Variants in TAF1C observed in about 807,000 individuals in gnomAD.
The protein encoded by TAF1C is TATA-box binding protein associated factor, RNA polymerase I subunit C.
A neutral mutation model predicts 70.5 loss-of-function variants in TAF1C; 79 were observed. That is an observed-to-expected ratio of 1.12 (90% CI 0.93 to 1.35). The LOEUF is 1.35. Ranked by LOEUF, TAF1C falls within the 40% of genes most tolerant of loss-of-function variation. The pLI, the probability that TAF1C is intolerant of heterozygous loss-of-function variation, is 0.00. For synonymous variants in TAF1C, 614 were observed against 491.1 expected, an observed-to-expected ratio of 1.25 and a Z score of -3.31; for missense variants, 1,412 against 1,127.8, an observed-to-expected ratio of 1.25 and a Z score of -3.61.
chr16:84,181,073 G>A lies in TAF1C; in HGVS notation c.1278C>T (p.Leu426=). 1 of 1,612,114 alleles carries A rather than the reference G, an allele frequency of 6.2e-7. No homozygotes were observed. Among genetic ancestry groups the A allele is most frequent in the Non-Finnish European group, 8.5e-7 (1 of 1,178,490 alleles). The part of the protein sequence containing the change: ...QYLGHSSPKC[L]PPTLHLVCTQ... Reference sequence around the variant, plus strand: ...TACAGACGAGATGAAGAGTAGGGGGGAGGCATTTGGGGCTGGAGTGCCCCA... The same window carrying A: ...TACAGACGAGATGAAGAGTAGGGGGAAGGCATTTGGGGCTGGAGTGCCCCA... Residue 426 remains leucine, a synonymous_variant, in exon 12 of 15, where the codon CTC becomes CTT. Coordinates refer to ENST00000566732, the MANE Select transcript of TAF1C (RefSeq NM_001243156.2).
At chr16:84,180,980 A>T (rs1046605896) in intron 12 of TAF1C, 63 bp downstream of exon 12, 1 of 1,530,736 alleles carries the variant, frequency 6.5e-7, no homozygotes, top group Non-Finnish European at 8.8e-7. Flanking sequence ...GGTAAGCAGC[A>T]GCCTCTAGTG....
chr16:84,179,143 C>T lies in TAF1C; in HGVS notation c.2330G>A (p.Cys777Tyr). 6.2e-7 allele frequency: 1 copy of T among 1,607,540 alleles called. No homozygotes were observed. Among genetic ancestry groups the T allele is most frequent in the Non-Finnish European group, 8.5e-7 (1 of 1,179,278 alleles). ...CTGCTCTGATGGGACGCCCTGGGCG[C>T]ATGCATCCGGAGTCAACTCCTGGGA... Reference protein sequence around the residue: ...PPSQELTPDACAQGVPSEQRQ... With the variant: ...PPSQELTPDAYAQGVPSEQRQ... Residue 777 changes from cysteine (C) to tyrosine (Y), a missense_variant, in exon 15 of 15, where the codon TGC (cysteine) becomes TAC (tyrosine). Coordinates refer to ENST00000566732, the MANE Select transcript of TAF1C (RefSeq NM_001243156.2).
Position 84,179,600 on chromosome 16 carries a change from G to C in TAF1C, c.1873C>G (p.Pro625Ala), listed in dbSNP as rs756760071. Residue 625 changes from proline to alanine, a missense_variant, in exon 15 of 15, where the codon CCT (proline) becomes GCT (alanine). Transcript: ENST00000566732. ...GTGAAGGTGGGTGCTGTCCACACAG[G>C]AGGAGCCAGGGGCACTTTTAGCAGG... ...KALLKVPLAP[P>A]VWTAPTFTHR... 3 of 1,612,632 alleles carry C rather than the reference G, an allele frequency of 1.9e-6. No individual in the cohort carries two copies. In the African/African-American group the frequency reaches 4.0e-5, roughly 22 times the overall value.
At position 84,182,518 on chromosome 16, in the gene TAF1C, G is replaced by A; in HGVS notation, c.483-78C>T. On this transcript the variant is annotated intron_variant, in intron 6 of 14. Coordinates refer to ENST00000566732, the MANE Select transcript of TAF1C (RefSeq NM_001243156.2). This position sits in a 1 kb window ranked among gnomAD's most constrained non-coding sequence, Gnocchi z 5.0. ...AGGTCCCATCCCAAGGAGGCCAAGT[G>A]CAGTGGACACATTTCTTATTTACCT... 2 of 1,297,130 alleles carry A rather than the reference G, an allele frequency of 1.5e-6. No individual in the cohort carries two copies. The highest frequency in any genetic ancestry group is 1.4e-5 in the South Asian group (1 of 71,744). 80.4% of individuals were successfully genotyped at this position (1,297,130 alleles called of 1,614,324 possible).
Position 84,178,060 on chromosome 16 carries a change from G to T in TAF1C, c.*881C>A. On this transcript the variant is annotated 3_prime_UTR_variant, in exon 15 of 15. Coordinates refer to ENST00000566732, the MANE Select transcript of TAF1C (RefSeq NM_001243156.2). ...CCCGGGTCCCTGCAAAATCTCAAGT[G>T]AGCATTTTCCCCACAGGAAAACAGA... 1.9e-6 allele frequency: 1 copy of T among 536,752 alleles called. No homozygotes were observed. Among genetic ancestry groups the T allele is most frequent in the Non-Finnish European group, 3.4e-6 (1 of 292,504 alleles). The allele number at this position is 536,752 out of a possible 1,614,324, so 33.2% of individuals were successfully genotyped here. A position where few individuals can be genotyped will look rare whatever the true frequency, so the allele number is the denominator to read the frequency against.
chr16:84,180,156 G>C lies in TAF1C; in HGVS notation c.1483+14C>G. On this transcript the variant is annotated intron_variant, in intron 13 of 14. Coordinates refer to ENST00000566732, the MANE Select transcript of TAF1C (RefSeq NM_001243156.2). ...CATCTCCCACACGCCGCCCACCCTG[G>C]CCTGGACCCTCACCTGCCAGGTGCA... 1 of 1,561,672 alleles carries C rather than the reference G, an allele frequency of 6.4e-7. No individual in the cohort carries two copies. The highest frequency in any genetic ancestry group is 8.6e-7 in the Non-Finnish European group (1 of 1,161,168).
Position 84,179,370 on chromosome 16 carries a change from G to A in TAF1C, c.2103C>T (p.Gly701=). The change falls in exon 15 of 15, where the codon GGC becomes GGT. Residue 701 remains glycine, a synonymous_variant. Transcript: ENST00000566732. ...GCCTCTCCCACCAGGCAGCCCCTCG[G>A]CCTGCCCAGGCTTCCCCCAGGCGCT... ...LSERLGEAWA[G]RGAAWWERQQ... is the part of the protein sequence containing the mutation. 1.2e-6 allele frequency: 2 copies of A among 1,600,078 alleles called. No homozygotes were observed. The highest frequency in any genetic ancestry group is 1.3e-5 in the African/African-American group (1 of 75,010).
chr16:84,180,996 C>T (rs772873715), intron 12 of TAF1C, 47 bp downstream of exon 12: 232 of 1,566,438 alleles, frequency 1.5e-4, no homozygotes, highest in Non-Finnish European at 2.0e-4. Context: ...TAGTGACCAT[C>T]TGAGACAGAG....
At chr16:84,180,808 C>T (rs115747592) in intron 12 of TAF1C, 2 of 1,364,198 alleles carry the variant, frequency 1.5e-6, no homozygotes, top group African/African-American at 2.9e-5. Flanking sequence ...CCCTGCTCCA[C>T]CCCTGGCTGC....
In TAF1C at chr16:84,181,150, C is replaced by G. The variant is rs2089160049; in HGVS notation, c.1201G>C (p.Gly401Arg). 1 of 1,611,848 alleles carries G rather than the reference C, an allele frequency of 6.2e-7. No homozygotes were observed. The change falls in exon 12 of 15, where the codon GGG (glycine) becomes CGG (arginine). Residue 401 changes from glycine (G) to arginine (R), a missense_variant. Transcript: ENST00000566732. ...CCTTTCTGGCACGAAGCCTCTGCCCCCAAACGAAAAAGCAACAGACCACAG... is the reference window on the plus strand; with the variant it reads ...CCTTTCTGGCACGAAGCCTCTGCCCGCAAACGAAAAAGCAACAGACCACAG... ...PGCGLLLFRL[G>R]AEASCQKGER...
chr16:84,182,547 A>C lies in TAF1C; in HGVS notation c.483-107T>G, dbSNP rs1423261037. The C allele has an allele frequency of 8.9e-6, 10 of 1,124,254 alleles. No homozygotes were observed. The highest frequency in any genetic ancestry group is 1.1e-5 in the Non-Finnish European group (9 of 807,516). 69.6% of individuals were successfully genotyped at this position (1,124,254 alleles called of 1,614,324 possible). ...TGGACACATTTCTTATTTACCTAGA[A>C]TTTCTTCCTTTGGGAGACCACCCCA... is the stretch of plus-strand genomic sequence containing the variant. On this transcript the variant is annotated intron_variant, in intron 6 of 14. Coordinates refer to ENST00000566732, the MANE Select transcript of TAF1C (RefSeq NM_001243156.2). The surrounding 1 kb of genome is among the most constrained non-coding windows in gnomAD (Gnocchi z 5.0).
chr16:84,180,269 G>A lies in TAF1C; in HGVS notation c.1384C>T (p.Leu462Phe), dbSNP rs1307719141. The A allele has an allele frequency of 2.6e-6, 4 of 1,548,510 alleles. No individual in the cohort carries two copies. Among genetic ancestry groups the A allele is most frequent in the Admixed American group, 4.0e-5 (2 of 49,528 alleles). ...GGAGGCAGCAGTCGGGCCAGCAGGA[G>A]CGGGGAGGGGAGGCCATGGTTCCAC... is the stretch of plus-strand genomic sequence containing the variant. Reference protein sequence around the residue: ...LKWNHGLPSPLLLARLLPPPR... With the variant: ...LKWNHGLPSPFLLARLLPPPR... The change falls in exon 13 of 15, where the codon CTC becomes TTC. Residue 462 changes from leucine to phenylalanine, a missense_variant. Coordinates refer to ENST00000566732, the MANE Select transcript of TAF1C (RefSeq NM_001243156.2).
intron 1 of TAF1C, among the ~76,000 whole-genome samples, chr16:84,186,153 C>T (rs2089475028): frequency 6.6e-6 from 1 of 152,252 alleles, no homozygotes; most frequent in Non-Finnish European, 1.5e-5. Context: ...TCTTAGCTGC[C>T]ACAGCCAAGA....
Position 84,184,940 on chromosome 16 carries a change from G to T in TAF1C, c.49C>A (p.Leu17Ile). ...AGGTCAGGGACGTCGCTCAGACCAA[G>T]GGGGCCGGTCAGAAACAATGCAGGG... Reference protein sequence around the residue: ...LRPALFLTGPLGLSDVPDLSF... With the variant: ...LRPALFLTGPIGLSDVPDLSF... The change falls in exon 2 of 15, where the codon CTT (leucine) becomes ATT (isoleucine). Residue 17 changes from leucine to isoleucine, a missense_variant. By Grantham distance (5) the Leu-to-Ile change is conservative (BLOSUM62 2). Transcript: ENST00000566732. 2 of 1,613,900 alleles carry T rather than the reference G, an allele frequency of 1.2e-6. No individual in the cohort carries two copies. Among genetic ancestry groups the T allele is most frequent in the Non-Finnish European group, 1.7e-6 (2 of 1,179,922 alleles).
Position 84,178,928 on chromosome 16 carries a change from C to T in TAF1C, c.*13G>A. On this transcript the variant is annotated 3_prime_UTR_variant, in exon 15 of 15. Transcript: ENST00000566732. ...GGGCTCTCTGGGGCTTGAGGGCAGC[C>T]CACCTTGTGTCCTCAGAAGCCCATT... 4 of 1,575,122 alleles carry T rather than the reference C, an allele frequency of 2.5e-6. No individual in the cohort carries two copies. Among genetic ancestry groups the T allele is most frequent in the Non-Finnish European group, 3.4e-6 (4 of 1,163,516 alleles).
In TAF1C at chr16:84,179,791, T is replaced by C. The variant is rs1269108021; in HGVS notation, c.1682A>G (p.Gln561Arg). Residue 561 changes from glutamine to arginine, a missense_variant, in exon 15 of 15, where the codon CAG (glutamine) becomes CGG (arginine). Gln to Arg is a conservative substitution (Grantham distance 43, BLOSUM62 1). Transcript: ENST00000566732. The stretch of plus-strand genomic sequence containing the variant: ...GAAGACATCTCCCGCCGCCGAGAGC[T>C]GGAAGAGCACCAGGCCTGGTGTGGG... ...SAPTPGLVLF[Q>R]LSAAGDVFYQ... 6.2e-7 allele frequency: 1 copy of C among 1,609,534 alleles called. No individual in the cohort carries two copies. Among genetic ancestry groups the C allele is most frequent in the African/African-American group, 1.3e-5 (1 of 74,624 alleles).
chr16:84,183,105 G>C lies in TAF1C; in HGVS notation c.453C>G (p.Leu151=). Residue 151 remains leucine (L), a synonymous_variant, in exon 6 of 15, where the codon CTC becomes CTG. Coordinates refer to ENST00000566732, the MANE Select transcript of TAF1C (RefSeq NM_001243156.2). ...AGGGCTGGTGTCCACCGAGGTCCTG[G>C]AGCAGCTTCTTCACACTGACCACTG... ...KKTVVSVKKL[L]QDLGGHQPWG... 1 of 1,614,096 alleles carries C rather than the reference G, an allele frequency of 6.2e-7. No individual in the cohort carries two copies. Among genetic ancestry groups the C allele is most frequent in the Non-Finnish European group, 8.5e-7 (1 of 1,180,032 alleles).
rs374743547 is a variant in TAF1C at position 84,183,334 on chromosome 16, C to G, written c.319-1G>C. The G allele has an allele frequency of 1.5e-5, 25 of 1,613,852 alleles. No individual in the cohort carries two copies. In the African/African-American group the frequency reaches 2.0e-4, roughly 13 times the overall value. ...CATGATCCAAGAGGAACCGGCTGAT[C>G]TGGGGAGAAGAGGAGGCCAGGTCAC... On this transcript the variant is annotated splice_acceptor_variant, in intron 4 of 14. Transcript: ENST00000566732. LOFTEE classifies it high-confidence loss of function.
In TAF1C at chr16:84,178,817, C is replaced by A. The variant is rs1160897748; in HGVS notation, c.*124G>T. Reference sequence around the variant, plus strand: ...CTTGGCTCCAAATTGCTTGGCTCATCATCACAGTGGCCTCCAGAAGGTGGC... The same window carrying A: ...CTTGGCTCCAAATTGCTTGGCTCATAATCACAGTGGCCTCCAGAAGGTGGC... On this transcript the variant is annotated 3_prime_UTR_variant, in exon 15 of 15. Transcript: ENST00000566732. 8 of 1,100,396 alleles carry A rather than the reference C, an allele frequency of 7.3e-6. No homozygotes were observed. The highest frequency in any genetic ancestry group is 1.6e-5 in the South Asian group (1 of 61,380). 68.2% of individuals were successfully genotyped at this position (1,100,396 alleles called of 1,614,324 possible). A position where few individuals can be genotyped will look rare whatever the true frequency, so the allele number is the denominator to read the frequency against.
Sources: gnomAD v4.1 joint callset for allele counts (sites outside exome capture counted in the v4.1 genomes callset) on GRCh38, gnomAD v4.1.1 for gene constraint, Gnocchi (gnomAD v3.1) non-coding constraint, MANE v1.5 for transcripts, NCBI Gene and HGNC (gene_info 2026-07-23, HGNC 2026-07-21) for gene names.